Variants in RYR2 observed in about 807,000 individuals in gnomAD.
RYR2 encodes cardiac muscle ryanodine receptor-calcium release channel.
A neutral mutation model predicts 601.1 loss-of-function variants in RYR2; 227 were observed. The ratio of observed to expected loss-of-function variants is 0.38; its 90% confidence interval spans 0.34 to 0.42. The LOEUF is 0.42. RYR2 is among the 10% of genes least tolerant of loss of function. The pLI is 1.00. For missense variants in RYR2, 4,646 were observed against 6,156.5 expected, an observed-to-expected ratio of 0.75 and a Z score of 8.21; for synonymous variants, 2,223 against 2,175.1, an observed-to-expected ratio of 1.02 and a Z score of -0.61.
At chr1:237,181,565 T>A (rs1678762503) in intron 1 of RYR2, among the ~76,000 whole-genome samples, 1 of 152,184 alleles carries the variant, frequency 6.6e-6, no homozygotes, top group African/African-American at 2.4e-5. Flanking sequence ...GTGACAGAGA[T>A]GTTTTTGATG....
Position 237,382,912 on chromosome 1 carries a change from T to G in RYR2, c.577-4369T>G, listed in dbSNP as rs535159053. ...CTATTTCTCTGCCCCTCATTTGTTT[T>G]TGTTTTTTTTTTTTCAGAAGAAAAA... On this transcript the variant is annotated intron_variant, in intron 8 of 104. Transcript: ENST00000366574. 9.0e-3 allele frequency among the ~76,000 whole-genome samples: 1,237 copies of G among 137,596 alleles called. 9 individuals are homozygous for G. Among genetic ancestry groups the G allele is most frequent in the Non-Finnish European group, 0.013 (836 of 66,300 alleles). The allele number at this position is 137,596 out of a possible 152,430, so 90.3% of individuals were successfully genotyped here.
intron 2 of RYR2, among the ~76,000 whole-genome samples, chr1:237,322,821 CGT>C (rs113420477): frequency 0.022 from 3,163 of 142,792 alleles, 79 homozygotes; most frequent in African/African-American, 0.06. Flanking sequence ...AACACACACA[CGT>C]GTGTGTGTGT....
In RYR2 at chr1:237,791,920, G is replaced by T. The variant is rs778406582; in HGVS notation, c.13564-185G>T. ...GGTTGAATAAGAATGAATTTTAAAA[G>T]TATGTTCATTACTTGCCTTTGGTTT... On this transcript the variant is annotated intron_variant, in intron 93 of 104. Coordinates refer to ENST00000366574, the MANE Select transcript of RYR2 (RefSeq NM_001035.3). The T allele has an allele frequency of 3.2e-5, 19 of 597,210 alleles. 1 individual carries two copies. The South Asian group carries it at 3.2e-4, about 10-fold the overall frequency. The allele number at this position is 597,210 out of a possible 1,614,324, so 37.0% of individuals were successfully genotyped here. A position where few individuals can be genotyped will look rare whatever the true frequency, so the allele number is the denominator to read the frequency against.
At chr1:237,062,092 A>G (rs1291449137) in intron 1 of RYR2, among the ~76,000 whole-genome samples, 1 of 152,098 alleles carries the variant, frequency 6.6e-6, no homozygotes, top group Non-Finnish European at 1.5e-5. Flanking sequence ...TCATTGGTCT[A>G]TTTGTCTTTT....
chr1:237,249,469 G>C, intron 1 of RYR2, among the ~76,000 whole-genome samples: 1 of 152,188 alleles, frequency 6.6e-6, no homozygotes, highest in East Asian at 1.9e-4. Flanking sequence ...GTACTTCATA[G>C]TTTACAAAGG....
chr1:237,638,903 A>G (rs1680682692), intron 45 of RYR2, 112 bp from the exon 46 acceptor site: 3 of 1,247,034 alleles, frequency 2.4e-6, no homozygotes, highest in Admixed American at 4.2e-5. Context: ...TTATTAGTAT[A>G]TTGTTGGGTT....
At chr1:237,787,948 G>C in intron 91 of RYR2, 40 bp from the exon 92 acceptor site, 2 of 1,555,424 alleles carry the variant, frequency 1.3e-6, no homozygotes, top group Non-Finnish European at 1.7e-6. Flanking sequence ...TAGTTCTTTA[G>C]TTTCTGGAGA....
At chr1:237,443,937 T>C (rs1481281198) in intron 13 of RYR2, among the ~76,000 whole-genome samples, 1 of 152,148 alleles carries the variant, frequency 6.6e-6, no homozygotes, top group Non-Finnish European at 1.5e-5. Flanking sequence ...TTAAATTATC[T>C]TTTCAATCCT....
chr1:237,255,404 C>T (rs189333060), intron 1 of RYR2, among the ~76,000 whole-genome samples: 1 of 152,278 alleles, frequency 6.6e-6, no homozygotes, highest in Admixed American at 6.5e-5. Flanking sequence ...ACATAGATGA[C>T]ATCTATATCC....
At chr1:237,278,687 G>A (rs1291175431) in intron 2 of RYR2, among the ~76,000 whole-genome samples, 1 of 152,100 alleles carries the variant, frequency 6.6e-6, no homozygotes, top group Admixed American at 6.6e-5. Flanking sequence ...CCCACAGTCT[G>A]TATGAATTTG....
Position 237,670,062 on chromosome 1 carries a change from G to A in RYR2, c.8590+2104G>A, listed in dbSNP as rs550806648. On this transcript the variant is annotated intron_variant, in intron 58 of 104. Coordinates refer to ENST00000366574, the MANE Select transcript of RYR2 (RefSeq NM_001035.3). ...GGCACCTCCAGAGGCCGAGGCTGGC[G>A]GATCACTTGCGGTTAGGGGCTGGAG... Among the ~76,000 whole-genome samples the A allele has an allele frequency of 1.2e-4, 19 of 152,258 alleles. No homozygotes were observed. The East Asian group carries it at 1.4e-3, about 11-fold the overall frequency.
At chr1:237,344,563 CAAGGAGTTGTCTTCCT>C (rs1488376592) in intron 3 of RYR2, among the ~76,000 whole-genome samples, 1 of 152,128 alleles carries the variant, frequency 6.6e-6, no homozygotes, top group Non-Finnish European at 1.5e-5. Context: ...TGCAAATGTC[CAAGGAGTTGTCTTCCT>C]TAAACACTTT....
intron 9 of RYR2, 149 bp from the exon 10 acceptor site, chr1:237,387,938 A>G: frequency 3.3e-6 from 2 of 608,140 alleles, no homozygotes; most frequent in Non-Finnish European, 2.8e-6. Flanking sequence ...AACAGCAGGC[A>G]CTGTCTATCT....
In RYR2 at chr1:237,578,099, C is replaced by T. The variant is rs544328849; in HGVS notation, c.3598+8780C>T. ...TGCTGGGATTACAGGCGTGAGCCAC[C>T]ACACCTGTTCTGAAATTCCTAAAGA... On this transcript the variant is annotated intron_variant, in intron 29 of 104. Transcript: ENST00000366574. 3.7e-4 allele frequency among the ~76,000 whole-genome samples: 56 copies of T among 152,168 alleles called. 2 individuals are homozygous for T. The South Asian group carries it at 0.011, about 30-fold the overall frequency.
chr1:237,169,996 G>T (rs1677172313), intron 1 of RYR2, among the ~76,000 whole-genome samples: 1 of 152,106 alleles, frequency 6.6e-6, no homozygotes, highest in African/African-American at 2.4e-5. Context: ...TATAGGTGCT[G>T]GGGATTCAAT....
chr1:237,125,749 G>A (rs951886346), intron 1 of RYR2, among the ~76,000 whole-genome samples: 5 of 151,828 alleles, frequency 3.3e-5, no homozygotes, highest in Non-Finnish European at 7.4e-5. Context: ...TTTTCCTTTC[G>A]TGCCTATTTT....
At chr1:237,765,224 A>G (rs532929070) in intron 84 of RYR2, among the ~76,000 whole-genome samples, 1 of 152,264 alleles carries the variant, frequency 6.6e-6, no homozygotes, top group African/African-American at 2.4e-5. Flanking sequence ...CTTTTTTATC[A>G]GAACCATTAA....
In RYR2 at chr1:237,383,472, T is replaced by C. The variant is rs187812838; in HGVS notation, c.577-3809T>C. 4.8e-3 allele frequency among the ~76,000 whole-genome samples: 603 copies of C among 125,850 alleles called. 4 individuals carry two copies. The highest frequency in any genetic ancestry group is 0.037 in the East Asian group (141 of 3,800). The allele number at this position is 125,850 out of a possible 152,430, so 82.6% of individuals were successfully genotyped here. ...TGAGACAGAGTCTTGCTCTGTCGCC[T>C]AGGCTGGAGTACAGGGGCACGATCT... On this transcript the variant is annotated intron_variant, in intron 8 of 104. Transcript: ENST00000366574.
chr1:237,232,235 G>C (rs986347028), intron 1 of RYR2, among the ~76,000 whole-genome samples: 1 of 152,182 alleles, frequency 6.6e-6, no homozygotes. Flanking sequence ...ACCCAGGCAG[G>C]AAAAGAGGGT....
Sources: allele counts gnomAD v4.1 joint callset (sites outside exome capture counted in the v4.1 genomes callset), GRCh38; gene constraint gnomAD v4.1.1; transcripts MANE v1.5; gene names NCBI Gene and HGNC (gene_info 2026-07-23, HGNC 2026-07-21).